Variants in TRIM33 observed in about 807,000 individuals in gnomAD.
TRIM33 encodes tripartite motif containing 33, also known as E3 ubiquitin-protein ligase TRIM33.
TRIM33 carries 20 observed loss-of-function variants against 125.4 expected under a neutral mutation model. The observed-to-expected ratio is 0.16, with a 90% confidence interval of 0.11 to 0.23. TRIM33 has a LOEUF of 0.23. TRIM33 is among the 10% of genes least tolerant of loss of function. TRIM33 has a pLI of 1.00. For synonymous variants in TRIM33, 564 were observed against 513.9 expected (o/e 1.10, Z -1.32); for missense variants, 920 against 1,411.4 (o/e 0.65, Z 5.58).
chr1:114,477,242 G>C (rs1355003942), intron 1 of TRIM33, among the ~76,000 whole-genome samples: 1 of 151,202 alleles, frequency 6.6e-6, no homozygotes, highest in Non-Finnish European at 1.5e-5. Flanking sequence ...ATAAAATTCA[G>C]ACATTTTTAG....
In TRIM33 at chr1:114,410,238, T is replaced by C; in HGVS notation, c.2140A>G (p.Thr714Ala). Reference sequence around the variant, plus strand: ...CCTGGAGAAGGATTCATGGTGCTTGTAGGCTGTGGGGGTAGGTGACTGCCT... The same window carrying C: ...CCTGGAGAAGGATTCATGGTGCTTGCAGGCTGTGGGGGTAGGTGACTGCCT... ...ISGSHLPPQP[T>A]STMNPSPGPS... is the part of the protein sequence containing the mutation. The change falls in exon 12 of 20, where the codon ACA (threonine) becomes GCA (alanine). Residue 714 changes from threonine (T) to alanine (A), a missense_variant. This residue lies in a region of TRIM33 where 407 missense variants were observed against 589.7 expected (regional missense o/e 0.69). Coordinates refer to ENST00000358465, the MANE Select transcript of TRIM33 (RefSeq NM_015906.4). 1.9e-6 allele frequency: 3 copies of C among 1,614,034 alleles called. No homozygotes were observed. Among genetic ancestry groups the C allele is most frequent in the Middle Eastern group, 1.6e-4 (1 of 6,062 alleles).
chr1:114,405,487 T>C lies in TRIM33; in HGVS notation c.2691A>G (p.Gly897=). 6.2e-7 allele frequency: 1 copy of C among 1,614,240 alleles called. No individual in the cohort carries two copies. The highest frequency in any genetic ancestry group is 1.1e-5 in the South Asian group (1 of 91,088). Residue 897 remains glycine, a synonymous_variant, in exon 15 of 20, where the codon GGA becomes GGG. Transcript: ENST00000358465. ...EDWCAVCQNG[G]DLLCCEKCPK... is the part of the protein sequence containing the mutation. Reference sequence around the variant, plus strand: ...GACATTTTTCGCAGCACAAGAGATCTCCTCCGTTTTGGCAGACAGCACACC... The same window carrying C: ...GACATTTTTCGCAGCACAAGAGATCCCCTCCGTTTTGGCAGACAGCACACC...
In TRIM33 at chr1:114,450,015, A is replaced by G. The variant is rs565650006; in HGVS notation, c.923+13089T>C. On this transcript the variant is annotated intron_variant, in intron 4 of 19. Coordinates refer to ENST00000358465, the MANE Select transcript of TRIM33 (RefSeq NM_015906.4). ...CTAATGGCTTTCCAAAAAGAGGTAC[A>G]TAAGAGGCAAAGCTTCTCAATACTT... is the stretch of plus-strand genomic sequence containing the variant. 5.5e-4 allele frequency among the ~76,000 whole-genome samples: 84 copies of G among 152,332 alleles called. 1 individual carries two copies. The highest frequency in any genetic ancestry group is 2.0e-3 in the African/African-American group (82 of 41,574).
At chr1:114,409,250 A>C (rs1484200775) in intron 12 of TRIM33, among the ~76,000 whole-genome samples, 1 of 152,226 alleles carries the variant, frequency 6.6e-6, no homozygotes, top group Non-Finnish European at 1.5e-5. Flanking sequence ...TAACACTTCT[A>C]GACTGTTAAC....
chr1:114,508,933 G>T (rs1450072464), intron 1 of TRIM33, among the ~76,000 whole-genome samples: 1 of 152,088 alleles, frequency 6.6e-6, no homozygotes, highest in Non-Finnish European at 1.5e-5. Context: ...TGCCCAAGTC[G>T]TAAGTAGGAG....
At chr1:114,453,903 G>T (rs538652687) in intron 4 of TRIM33, among the ~76,000 whole-genome samples, 3 of 152,174 alleles carry the variant, frequency 2.0e-5, no homozygotes, top group Non-Finnish European at 2.9e-5. Context: ...GCTCCACTGG[G>T]AGAAGACAAC....
chr1:114,510,960 G>A lies in TRIM33; in HGVS notation c.117C>T (p.Thr39=). 2 of 1,386,028 alleles carry A rather than the reference G, an allele frequency of 1.4e-6. No individual in the cohort carries two copies. The highest frequency in any genetic ancestry group is 1.9e-6 in the Non-Finnish European group (2 of 1,070,348). 85.9% of individuals were successfully genotyped at this position (1,386,028 alleles called of 1,614,324 possible). A position where few individuals can be genotyped will look rare whatever the true frequency, so the allele number is the denominator to read the frequency against. ...CCTCCTCCTCCTCCACCAGCACCGCGGTGAGAGGCGGCTCCGCCTCCTGCG... is the reference window on the plus strand; with the variant it reads ...CCTCCTCCTCCTCCACCAGCACCGCAGTGAGAGGCGGCTCCGCCTCCTGCG... ...PAAQEAEPPL[T]AVLVEEEEEE... is the part of the protein sequence containing the mutation. The change falls in exon 1 of 20, where the codon ACC becomes ACT. Residue 39 remains threonine (T), a synonymous_variant. Coordinates refer to ENST00000358465, the MANE Select transcript of TRIM33 (RefSeq NM_015906.4).
intron 4 of TRIM33, among the ~76,000 whole-genome samples, chr1:114,452,187 A>T (rs1291335998): frequency 6.6e-6 from 1 of 152,156 alleles, no homozygotes; most frequent in African/African-American, 2.4e-5. Context: ...AAAACATCAT[A>T]AACAGGCTGG....
Position 114,419,158 on chromosome 1 carries a change from G to A in TRIM33, c.2061+2278C>T, listed in dbSNP as rs543583678. ...AGAGGCTGCAGTGAGTCGAGATTGC[G>A]CCACTGTACTCCAGCCTGGGCAACA... On this transcript the variant is annotated intron_variant, in intron 11 of 19. Coordinates refer to ENST00000358465, the MANE Select transcript of TRIM33 (RefSeq NM_015906.4). Among the ~76,000 whole-genome samples the A allele has an allele frequency of 3.0e-4, 41 of 135,314 alleles. 1 individual carries two copies. Among genetic ancestry groups the A allele is most frequent in the African/African-American group, 1.0e-3 (36 of 35,072 alleles). The allele number at this position is 135,314 out of a possible 152,430, so 88.8% of individuals were successfully genotyped here. A position where few individuals can be genotyped will look rare whatever the true frequency, so the allele number is the denominator to read the frequency against.
In TRIM33 at chr1:114,395,606, C is replaced by A. The variant is rs1320060018; in HGVS notation, c.*2042G>T. On this transcript the variant is annotated 3_prime_UTR_variant, in exon 20 of 20. Transcript: ENST00000358465. ...TATATGTCTACTTACAAACTGAAAT[C>A]ATGGATTTTGTGAAAAAAGAGGGAA... 5.0e-6 allele frequency: 1 copy of A among 199,198 alleles called. No homozygotes were observed. The highest frequency in any genetic ancestry group is 1.0e-5 in the Non-Finnish European group (1 of 96,396). 12.3% of individuals were successfully genotyped at this position (199,198 alleles called of 1,614,324 possible).
chr1:114,403,842 G>T (rs144789348), intron 15 of TRIM33, among the ~76,000 whole-genome samples: 3,913 of 151,762 alleles, frequency 0.026, 85 homozygotes, highest in Non-Finnish European at 0.034. Flanking sequence ...TGTATTTTTA[G>T]TAGAGATTGG....
At position 114,446,830 on chromosome 1, in the gene TRIM33, G is replaced by A. The variant is rs562308597; in HGVS notation, c.924-13097C>T. ...AACACTTCGGGAGGCAGAGGCGAGA[G>A]GATCACACTTGAGCCCAGGAGTTCG... On this transcript the variant is annotated intron_variant, in intron 4 of 19. Transcript: ENST00000358465. Among the ~76,000 whole-genome samples the A allele has an allele frequency of 2.0e-5, 3 of 152,266 alleles. No individual in the cohort carries two copies. In the South Asian group the frequency reaches 6.2e-4, roughly 32 times the overall value.
intron 11 of TRIM33, among the ~76,000 whole-genome samples, chr1:114,417,683 A>C (rs1005725652): frequency 7.2e-5 from 11 of 152,158 alleles, no homozygotes; most frequent in African/African-American, 2.4e-4. Flanking sequence ...CTTGAGATAG[A>C]GTTTCACTCT....
chr1:114,420,385 T>C (rs1478765039), intron 11 of TRIM33: 2 of 1,332,734 alleles, frequency 1.5e-6, no homozygotes, highest in Middle Eastern at 2.1e-4. Context: ...CTAACCACAT[T>C]TTGGTCCTGG....
At chr1:114,425,042 T>G (rs984036073) in intron 9 of TRIM33, among the ~76,000 whole-genome samples, 2 of 152,082 alleles carry the variant, frequency 1.3e-5, no homozygotes, top group East Asian at 1.9e-4. Flanking sequence ...CCTGGAGTAA[T>G]AGTTTTGATT....
Position 114,396,989 on chromosome 1 carries a change from G to C in TRIM33, c.*659C>G. 4.6e-6 allele frequency: 1 copy of C among 216,940 alleles called. No individual in the cohort carries two copies. The highest frequency in any genetic ancestry group is 1.9e-4 in the South Asian group (1 of 5,398). The allele number at this position is 216,940 out of a possible 1,614,324, so 13.4% of individuals were successfully genotyped here. A position where few individuals can be genotyped will look rare whatever the true frequency, so the allele number is the denominator to read the frequency against. On this transcript the variant is annotated 3_prime_UTR_variant, in exon 20 of 20. Coordinates refer to ENST00000358465, the MANE Select transcript of TRIM33 (RefSeq NM_015906.4). ...ATTTTTGTTTCAGTAGACCATTGAA[G>C]TTGATTAAATGATAACTAGTGGTAG...
intron 5 of TRIM33, among the ~76,000 whole-genome samples, chr1:114,432,142 A>G (rs1224320217): frequency 1.3e-5 from 2 of 152,232 alleles, no homozygotes; most frequent in Non-Finnish European, 1.5e-5. Flanking sequence ...GATGAAATCA[A>G]TCTCCTCAAC....
rs181577622 is a variant in TRIM33, at chr1:114,461,004, T to C, written c.923+2100A>G. Among the ~76,000 whole-genome samples the C allele has an allele frequency of 1.7e-3, 252 of 151,894 alleles. 2 individuals carry two copies. Among genetic ancestry groups the C allele is most frequent in the African/African-American group, 5.9e-3 (246 of 41,470 alleles). The stretch of plus-strand genomic sequence containing the variant: ...ATGACCAAACTCAAGGAAGGGGTCG[T>C]GGGAACCGCCCCGCCCCACCCCCAA... On this transcript the variant is annotated intron_variant, in intron 4 of 19. Transcript: ENST00000358465.
Position 114,393,213 on chromosome 1 carries a change from T to A in TRIM33, c.*4435A>T, listed in dbSNP as rs1462948493. On this transcript the variant is annotated 3_prime_UTR_variant, in exon 20 of 20. Coordinates refer to ENST00000358465, the MANE Select transcript of TRIM33 (RefSeq NM_015906.4). The stretch of plus-strand genomic sequence containing the variant: ...AATTTAACCCTTTCGTGTGTAGGTA[T>A]GTCTACATAAAAAATTAACAGGCTT... The A allele has an allele frequency of 9.4e-6, 2 of 213,004 alleles. No individual in the cohort carries two copies. Among genetic ancestry groups the A allele is most frequent in the Non-Finnish European group, 1.9e-5 (2 of 104,932 alleles). The allele number at this position is 213,004 out of a possible 1,614,324, so 13.2% of individuals were successfully genotyped here.
Sources: allele counts gnomAD v4.1 joint callset (sites outside exome capture counted in the v4.1 genomes callset), GRCh38; gene constraint gnomAD v4.1.1; regional missense constraint gnomAD v4.1.1; transcripts MANE v1.5; gene names NCBI Gene and HGNC (gene_info 2026-07-23, HGNC 2026-07-21).